The following CCDC85A variants were observed in gnomAD, a reference collection of about 807,000 sequenced individuals.
The protein encoded by CCDC85A is coiled-coil domain-containing protein 85A.
In CCDC85A, 38 loss-of-function variants were observed where a neutral mutation model predicts 50.2. That is an observed-to-expected ratio of 0.76 (90% CI 0.58 to 0.99). The LOEUF is 0.99. Ranked by LOEUF, CCDC85A falls within the 50% of genes least tolerant of loss-of-function variation. The pLI, the probability that CCDC85A is intolerant of heterozygous loss-of-function variation, is 0.00. For missense variants in CCDC85A, 820 were observed against 742.0 expected, an observed-to-expected ratio of 1.11 and a Z score of -1.22; for synonymous variants, 366 against 301.4, an observed-to-expected ratio of 1.21 and a Z score of -2.22.
intron 2 of CCDC85A, among the ~76,000 whole-genome samples, chr2:56,318,957 T>C (rs78100301): frequency 0.026 from 3,921 of 152,160 alleles, 172 homozygotes; most frequent in African/African-American, 0.089. Context: ...TGTGGGCTGC[T>C]ATAGGTAGAA....
intron 2 of CCDC85A, among the ~76,000 whole-genome samples, chr2:56,210,526 A>G (rs1438378624): frequency 6.6e-6 from 1 of 151,984 alleles, no homozygotes. Context: ...CATAGTAGGG[A>G]TGGTTTGTTT....
Position 56,213,717 on chromosome 2 carries a change from T to G in CCDC85A, c.1240+20277T>G, listed in dbSNP as rs1558587240. The stretch of plus-strand genomic sequence containing the variant: ...CAGAGACTAATGAACTTTTAATGAC[T>G]GGATATTAAAGAATATTTATTTCAA... On this transcript the variant is annotated intron_variant, in intron 2 of 5. Transcript: ENST00000407595. 2.6e-5 allele frequency among the ~76,000 whole-genome samples: 4 copies of G among 151,970 alleles called. No homozygotes were observed. The South Asian group carries it at 8.3e-4, about 31-fold the overall frequency.
In CCDC85A at chr2:56,385,294, G is replaced by C. The variant is rs750815070; in HGVS notation, c.*939G>C. ...ATATTGCACTGCATTTATGAAAAAA[G>C]CTTTCTTTGCCTACTGCAGCTATCT... On this transcript the variant is annotated 3_prime_UTR_variant, in exon 6 of 6. Coordinates refer to ENST00000407595, the MANE Select transcript of CCDC85A (RefSeq NM_001080433.2). 2 of 152,192 alleles carry C rather than the reference G, an allele frequency of 1.3e-5. No homozygotes were observed. The highest frequency in any genetic ancestry group is 2.4e-5 in the African/African-American group (1 of 41,398). 9.4% of individuals were successfully genotyped at this position (152,192 alleles called of 1,614,324 possible).
chr2:56,318,328 CTCA>C lies in CCDC85A; in HGVS notation c.1241-24548_1241-24546del, dbSNP rs773554754. Reference sequence around the variant, plus strand: ...TTTTCAGTTCCTTCATCGTGCTAAGCTCATCCACACTGCAGGGACTGTGCATGA... The same window carrying C: ...TTTTCAGTTCCTTCATCGTGCTAAGCTCCACACTGCAGGGACTGTGCATGA... On this transcript the variant is annotated intron_variant, in intron 2 of 5. Transcript: ENST00000407595. Among the ~76,000 whole-genome samples, 6 of 152,088 alleles carry C rather than the reference CTCA, an allele frequency of 3.9e-5. No homozygotes were observed. The East Asian group carries it at 9.7e-4, about 25-fold the overall frequency.
chr2:56,375,105 C>T (rs898943536), intron 4 of CCDC85A, among the ~76,000 whole-genome samples: 1 of 152,142 alleles, frequency 6.6e-6, no homozygotes. Context: ...TTCCCCCAAG[C>T]ACCCTTTAGA....
intron 2 of CCDC85A, among the ~76,000 whole-genome samples, chr2:56,272,918 A>G (rs1301335006): frequency 1.3e-5 from 2 of 151,180 alleles, no homozygotes; most frequent in African/African-American, 4.9e-5. Flanking sequence ...AACATGAAAG[A>G]CAGACTAACA....
intron 3 of CCDC85A, among the ~76,000 whole-genome samples, chr2:56,344,078 C>T (rs1017380822): frequency 6.6e-6 from 1 of 152,064 alleles, no homozygotes; most frequent in Non-Finnish European, 1.5e-5. Context: ...GTAGTTGTCC[C>T]CCTTTTCAAG....
chr2:56,228,300 G>A (rs1456146929), intron 2 of CCDC85A, among the ~76,000 whole-genome samples: 2 of 150,054 alleles, frequency 1.3e-5, no homozygotes, highest in East Asian at 2.0e-4. Context: ...TGCACGTTGT[G>A]CACGTGTCCC....
chr2:56,203,255 G>A (rs544672653), intron 2 of CCDC85A, among the ~76,000 whole-genome samples: 5 of 152,240 alleles, frequency 3.3e-5, no homozygotes, highest in South Asian at 2.1e-4. Flanking sequence ...AGGAATAAAC[G>A]TTATCCAGGT....
chr2:56,221,403 C>T (rs1318350722), intron 2 of CCDC85A, among the ~76,000 whole-genome samples: 2 of 151,670 alleles, frequency 1.3e-5, no homozygotes, highest in Non-Finnish European at 2.9e-5. Context: ...TGACTGATGC[C>T]CATAGAACTC....
At chr2:56,338,280 A>G (rs1291774192) in intron 2 of CCDC85A, among the ~76,000 whole-genome samples, 1 of 152,204 alleles carries the variant, frequency 6.6e-6, no homozygotes, top group African/African-American at 2.4e-5. Context: ...GCAGCTTTCT[A>G]TTAATGACTT....
intron 2 of CCDC85A, among the ~76,000 whole-genome samples, chr2:56,300,250 T>C (rs1479845498): frequency 1.3e-5 from 2 of 152,180 alleles, no homozygotes; most frequent in African/African-American, 4.8e-5. Context: ...ATCTAGACCA[T>C]AAGATGATCC....
At chr2:56,252,950 C>T (rs185237440) in intron 2 of CCDC85A, among the ~76,000 whole-genome samples, 19 of 152,002 alleles carry the variant, frequency 1.2e-4, no homozygotes, top group African/African-American at 3.9e-4. Context: ...ACTGGGGAGG[C>T]GGAGGTTGCA....
At chr2:56,200,731 A>G (rs1356188973) in intron 2 of CCDC85A, among the ~76,000 whole-genome samples, 3 of 152,200 alleles carry the variant, frequency 2.0e-5, no homozygotes, top group South Asian at 4.1e-4. Flanking sequence ...TGTTCCAAAG[A>G]TAAAAGACAA....
intron 2 of CCDC85A, among the ~76,000 whole-genome samples, chr2:56,279,054 G>T (rs1450585915): frequency 6.6e-6 from 1 of 152,206 alleles, no homozygotes; most frequent in African/African-American, 2.4e-5. Context: ...TTGCCAGGGG[G>T]CCTTTGGAGG....
chr2:56,294,955 A>G (rs932720305), intron 2 of CCDC85A, among the ~76,000 whole-genome samples: 1 of 152,204 alleles, frequency 6.6e-6, no homozygotes. Flanking sequence ...GATTTTGGCA[A>G]TTCTGAGGAC....
intron 1 of CCDC85A, among the ~76,000 whole-genome samples, chr2:56,187,148 T>C (rs1437649017): frequency 6.6e-6 from 1 of 152,166 alleles, no homozygotes; most frequent in African/African-American, 2.4e-5. Context: ...GAATAAATGA[T>C]GGGTACATAT....
intron 2 of CCDC85A, among the ~76,000 whole-genome samples, chr2:56,234,034 A>T (rs1668892061): frequency 6.6e-6 from 1 of 152,224 alleles, no homozygotes; most frequent in African/African-American, 2.4e-5. Flanking sequence ...AAGCTCGGTT[A>T]TGAGGACACC....
intron 2 of CCDC85A, among the ~76,000 whole-genome samples, chr2:56,304,643 T>A (rs909103020): frequency 3.3e-5 from 5 of 152,202 alleles, no homozygotes; most frequent in Non-Finnish European, 7.3e-5. Context: ...GTTCACCTAC[T>A]GCTCACTCTC....
Sources: allele counts gnomAD v4.1 joint callset (sites outside exome capture counted in the v4.1 genomes callset), GRCh38; gene constraint gnomAD v4.1.1; transcripts MANE v1.5; gene names NCBI Gene and HGNC (gene_info 2026-07-23, HGNC 2026-07-21).